Variants in AIG1 observed in about 807,000 individuals in gnomAD.
AIG1 encodes androgen induced 1, also known as androgen-induced gene 1 protein.
Under a neutral mutation model 31.4 loss-of-function variants are expected in AIG1, and 23 were observed. The observed-to-expected ratio is 0.73, with a 90% CI of 0.53 to 1.04. The LOEUF (loss-of-function observed/expected upper bound fraction) is 1.04, where lower values mean the gene tolerates loss of function less well. Among genes scored for constraint, AIG1 ranks in the 50% least tolerant of loss-of-function variants. AIG1 has a pLI of 0.00. For synonymous variants in AIG1, 100 were observed against 110.5 expected (o/e 0.90, Z 0.60); for missense variants, 274 against 295.0 (o/e 0.93, Z 0.52).
chr6:143,237,387 A>G (rs1793887269), intron 3 of AIG1, among the ~76,000 whole-genome samples: 1 of 152,220 alleles, frequency 6.6e-6, no homozygotes, highest in South Asian at 2.1e-4. Flanking sequence ...AGTTGAGGCT[A>G]CAATTTATTC....
chr6:143,103,077 A>G (rs1049431527), intron 1 of AIG1, among the ~76,000 whole-genome samples: 5 of 152,238 alleles, frequency 3.3e-5, no homozygotes, highest in African/African-American at 1.2e-4. Context: ...GCAATGAAGG[A>G]ACAGTCATTT....
At chr6:143,228,813 T>TA (rs1297821508) in intron 3 of AIG1, among the ~76,000 whole-genome samples, 2 of 152,166 alleles carry the variant, frequency 1.3e-5, no homozygotes, top group East Asian at 1.9e-4. Context: ...AGCTCGCTTT[T>TA]AAAAAATGTG....
chr6:143,168,310 G>T (rs1787158358), intron 3 of AIG1, among the ~76,000 whole-genome samples: 1 of 151,688 alleles, frequency 6.6e-6, no homozygotes, highest in South Asian at 2.1e-4. Flanking sequence ...ACAACGTGCA[G>T]GTTTGTTACA....
rs41314185 is a variant in AIG1, at chr6:143,333,960, C to A, written c.679+515C>A. On this transcript the variant is annotated intron_variant, in intron 5 of 5. Coordinates refer to ENST00000357847, the MANE Select transcript of AIG1 (RefSeq NM_016108.4). This position sits in a 1 kb window ranked among gnomAD's most constrained non-coding sequence, Gnocchi z 4.6. The stretch of plus-strand genomic sequence containing the variant: ...TCCGGCCACCTTGACTCACCAGTGG[C>A]TGTCACGGAAAGTCTGAAAGTGGCA... 1 of 1,062,304 alleles carries A rather than the reference C, an allele frequency of 9.4e-7. No individual in the cohort carries two copies. Among genetic ancestry groups the A allele is most frequent in the Non-Finnish European group, 1.4e-6 (1 of 719,772 alleles). 65.8% of individuals were successfully genotyped at this position (1,062,304 alleles called of 1,614,324 possible). A position where few individuals can be genotyped will look rare whatever the true frequency, so the allele number is the denominator to read the frequency against.
At chr6:143,130,352 A>T (rs1783101371) in intron 1 of AIG1, among the ~76,000 whole-genome samples, 1 of 152,190 alleles carries the variant, frequency 6.6e-6, no homozygotes, top group Non-Finnish European at 1.5e-5. Flanking sequence ...GTTGCTGACT[A>T]TGAAGGCTCA....
chr6:143,188,088 T>G (rs1434230105), intron 3 of AIG1: 1 of 1,022,498 alleles, frequency 9.8e-7, no homozygotes, highest in Non-Finnish European at 1.2e-6. Flanking sequence ...GGTACAGTGA[T>G]AAATGGAGAG....
At chr6:143,276,597 C>T (rs746790354) in intron 3 of AIG1, among the ~76,000 whole-genome samples, 1 of 152,156 alleles carries the variant, frequency 6.6e-6, no homozygotes. Flanking sequence ...AAAGCCAGCA[C>T]TGGGCGCTGG....
At chr6:143,274,164 A>T (rs1449588815) in intron 3 of AIG1, among the ~76,000 whole-genome samples, 1 of 152,174 alleles carries the variant, frequency 6.6e-6, no homozygotes, top group African/African-American at 2.4e-5. Context: ...AGGCACAGCC[A>T]TGACACAGTC....
At chr6:143,061,857 A>G (rs1415496661) in intron 1 of AIG1, among the ~76,000 whole-genome samples, 1 of 152,270 alleles carries the variant, frequency 6.6e-6, no homozygotes, top group African/African-American at 2.4e-5. Flanking sequence ...ACCTCCCTGG[A>G]GAACAGAACA....
chr6:143,277,819 A>C (rs1338267448), intron 3 of AIG1, among the ~76,000 whole-genome samples: 1 of 152,218 alleles, frequency 6.6e-6, no homozygotes, highest in African/African-American at 2.4e-5. Context: ...TTTGGAGAGA[A>C]GGAGAAAGAC....
At chr6:143,142,093 A>G (rs1356985240) in intron 2 of AIG1, among the ~76,000 whole-genome samples, 1 of 152,102 alleles carries the variant, frequency 6.6e-6, no homozygotes, top group Non-Finnish European at 1.5e-5. Context: ...TTTGTTTTAT[A>G]GAGGCAGGGT....
intron 3 of AIG1, among the ~76,000 whole-genome samples, chr6:143,243,227 G>A (rs1233277502): frequency 6.6e-6 from 1 of 152,186 alleles, no homozygotes; most frequent in Non-Finnish European, 1.5e-5. Flanking sequence ...GGGTATGTAG[G>A]TGCTAAAGCC....
At position 143,194,773 on chromosome 6, in the gene AIG1, G is replaced by A. The variant is rs111770020; in HGVS notation, c.399+29590G>A. ...GCAGGTGGCCCCCAGCATGCTGCCT[G>A]TCATCACTGTCCCCGATGCTGTCCC... On this transcript the variant is annotated intron_variant, in intron 3 of 5. Coordinates refer to ENST00000357847, the MANE Select transcript of AIG1 (RefSeq NM_016108.4). Among the ~76,000 whole-genome samples the A allele has an allele frequency of 9.4e-3, 1,430 of 152,270 alleles. 27 individuals carry two copies. The highest frequency in any genetic ancestry group is 0.032 in the African/African-American group (1,340 of 41,546).
Position 143,263,101 on chromosome 6 carries a change from T to C in AIG1, c.400-21009T>C, listed in dbSNP as rs117216842. On this transcript the variant is annotated intron_variant, in intron 3 of 5. Transcript: ENST00000357847. ...ATGATTATGTATAAGGAAGATCCGA[T>C]TAGTACATCACCTTTACTCCCCCCA... Among the ~76,000 whole-genome samples, 3 of 152,248 alleles carry C rather than the reference T, an allele frequency of 2.0e-5. No homozygotes were observed. In the East Asian group the frequency reaches 5.8e-4, roughly 29 times the overall value.
rs539837287 is a variant in AIG1, at chr6:143,166,319, G to A, written c.399+1136G>A. On this transcript the variant is annotated intron_variant, in intron 3 of 5. Coordinates refer to ENST00000357847, the MANE Select transcript of AIG1 (RefSeq NM_016108.4). ...TTGTCAGTTCAATTTAGCCATCCAC[G>A]GGGCCTGGCATGGTTACTATGGCCT... 5.3e-5 allele frequency among the ~76,000 whole-genome samples: 8 copies of A among 152,128 alleles called. No homozygotes were observed. In the South Asian group the frequency reaches 1.0e-3, roughly 20 times the overall value.
chr6:143,209,405 TTAAGA>T (rs1791412160), intron 3 of AIG1, among the ~76,000 whole-genome samples: 2 of 152,282 alleles, frequency 1.3e-5, no homozygotes, highest in African/African-American at 2.4e-5. Context: ...TGAGCTAACT[TTAAGA>T]TAAGGAGATT....
intron 1 of AIG1, among the ~76,000 whole-genome samples, chr6:143,136,615 T>A (rs1186757421): frequency 1.3e-5 from 2 of 152,204 alleles, no homozygotes; most frequent in African/African-American, 4.8e-5. Flanking sequence ...TTTGCACTTG[T>A]CCCGAGGTGA....
chr6:143,173,832 A>G (rs992178622), intron 3 of AIG1, among the ~76,000 whole-genome samples: 2 of 152,180 alleles, frequency 1.3e-5, no homozygotes, highest in African/African-American at 2.4e-5. Context: ...AGAATATTTC[A>G]TGTACTGATG....
chr6:143,251,801 C>T (rs1380722903), intron 3 of AIG1, among the ~76,000 whole-genome samples: 2 of 151,110 alleles, frequency 1.3e-5, no homozygotes, highest in African/African-American at 2.4e-5. Context: ...CCACCATCTA[C>T]ATCTACACGC....
Sources: gnomAD v4.1 joint callset for allele counts (sites outside exome capture counted in the v4.1 genomes callset) on GRCh38, gnomAD v4.1.1 for gene constraint, Gnocchi (gnomAD v3.1) non-coding constraint, MANE v1.5 for transcripts, NCBI Gene and HGNC (gene_info 2026-07-23, HGNC 2026-07-21) for gene names.